KIFC3: variants seen among roughly 807,000 people sequenced by gnomAD.
The protein encoded by KIFC3 is kinesin-like protein KIFC3.
A neutral mutation model predicts 101.8 loss-of-function variants in KIFC3; 60 were observed. The observed-to-expected ratio is 0.59, with a 90% CI of 0.48 to 0.73. The LOEUF is 0.73. Among genes scored for constraint, KIFC3 ranks in the 30% least tolerant of loss-of-function variants. The pLI is 0.00. For synonymous variants in KIFC3, 476 were observed against 482.7 expected, an observed-to-expected ratio of 0.99 and a Z score of 0.18; for missense variants, 966 against 1,137.1, an observed-to-expected ratio of 0.85 and a Z score of 2.16.
chr16:57,784,417 G>A (rs2053103186), intron 3 of KIFC3, among the ~76,000 whole-genome samples: 1 of 152,242 alleles, frequency 6.6e-6, no homozygotes, highest in Non-Finnish European at 1.5e-5. Flanking sequence ...CCATTCTTGA[G>A]AAGAGGACAC....
At chr16:57,852,343 C>T (rs2056075906) in intron 1 of KIFC3, among the ~76,000 whole-genome samples, 2 of 151,982 alleles carry the variant, frequency 1.3e-5, no homozygotes, top group Admixed American at 1.3e-4. Context: ...TGATTTGTTT[C>T]CCCAGAAGTG....
intron 3 of KIFC3, among the ~76,000 whole-genome samples, chr16:57,792,571 C>T (rs1379789342): frequency 6.6e-6 from 1 of 152,084 alleles, no homozygotes; most frequent in African/African-American, 2.4e-5. Flanking sequence ...ATGGTAAGCC[C>T]TGAAGTAGAC....
At position 57,769,450 on chromosome 16, in the gene KIFC3, CA is replaced by C; in HGVS notation, c.1218+144del. ...TAGTTTCAAACAGGGCCTATAAGGGCAGCAGTAAGTGTCATGGGGGGTGGGG... is the reference window on the plus strand; with the variant it reads ...TAGTTTCAAACAGGGCCTATAAGGGCGCAGTAAGTGTCATGGGGGGTGGGG... On this transcript the variant is annotated intron_variant, in intron 9 of 19. Coordinates refer to ENST00000445690, the MANE Select transcript of KIFC3 (RefSeq NM_001130100.2). This position sits in a 1 kb window ranked among gnomAD's most constrained non-coding sequence, Gnocchi z 4.3. 1 of 975,638 alleles carries C rather than the reference CA, an allele frequency of 1.0e-6. No individual in the cohort carries two copies. Among genetic ancestry groups the C allele is most frequent in the Non-Finnish European group, 1.5e-6 (1 of 673,760 alleles). The allele number at this position is 975,638 out of a possible 1,614,324, so 60.4% of individuals were successfully genotyped here.
chr16:57,768,507 T>TCACACACACA lies in KIFC3; in HGVS notation c.1218+1087_1218+1088insTGTGTGTGTG, dbSNP rs1384372811. Among the ~76,000 whole-genome samples the TCACACACACA allele has an allele frequency of 2.4e-4, 3 of 12,598 alleles. No individual in the cohort carries two copies. In the South Asian group the frequency reaches 6.7e-3, roughly 28 times the overall value. 8.3% of individuals were successfully genotyped at this position (12,598 alleles called of 152,430 possible). ...GATGGGGGAAGGGCCTACCATATAT[T>TCACACACACA]CTCACACACACACACACACACACAC... is the stretch of plus-strand genomic sequence containing the variant. On this transcript the variant is annotated intron_variant, in intron 9 of 19. Coordinates refer to ENST00000445690, the MANE Select transcript of KIFC3 (RefSeq NM_001130100.2).
At chr16:57,795,635 C>T (rs1000083313) in intron 2 of KIFC3, among the ~76,000 whole-genome samples, 2 of 152,232 alleles carry the variant, frequency 1.3e-5, no homozygotes, top group African/African-American at 4.8e-5. Context: ...AACCAGCTAA[C>T]GTGCATCCCC....
intron 1 of KIFC3, chr16:57,830,783 GTTTGAGAAACAAAATC>G (rs1266121002): frequency 6.6e-6 from 1 of 152,178 alleles, no homozygotes; most frequent in African/African-American, 2.4e-5. Context: ...TTATTCATTG[GTTTGAGAAACAAAATC>G]ATTGATGCCA....
chr16:57,762,383 A>G, intron 12 of KIFC3, 113 bp from the exon 13 acceptor site: 1 of 1,159,942 alleles, frequency 8.6e-7, no homozygotes. Flanking sequence ...TCCTTGCCCA[A>G]AGCTCTTACC....
At chr16:57,764,276 G>GT (rs2050200603) in intron 11 of KIFC3, 29 bp from the exon 12 acceptor site, 4 of 1,286,492 alleles carry the variant, frequency 3.1e-6, no homozygotes, top group African/African-American at 2.9e-5. Flanking sequence ...GGAGGCTGGT[G>GT]GGGGGGCTTC....
intron 1 of KIFC3, among the ~76,000 whole-genome samples, chr16:57,812,693 G>A (rs1418302609): frequency 1.3e-5 from 2 of 152,212 alleles, no homozygotes; most frequent in Non-Finnish European, 2.9e-5. Flanking sequence ...GAGATGAGGT[G>A]TTGCTCAGAC....
chr16:57,761,160 A>G lies in KIFC3; in HGVS notation c.1884T>C (p.Phe628=). The part of the protein sequence containing the change: ...SVDDINKVFE[F]GHTNRTTEFT... ...ACTCGGTCGTGCGATTAGTGTGGCC[A>G]AACTCAAACACCTGGGGGATTGGGA... Residue 628 remains phenylalanine, a synonymous_variant, in exon 15 of 20, where the codon TTT becomes TTC. Coordinates refer to ENST00000445690, the MANE Select transcript of KIFC3 (RefSeq NM_001130100.2). 6.2e-7 allele frequency: 1 copy of G among 1,613,918 alleles called. No individual in the cohort carries two copies. Among genetic ancestry groups the G allele is most frequent in the Non-Finnish European group, 8.5e-7 (1 of 1,179,932 alleles).
intron 9 of KIFC3, 28 bp from the exon 10 acceptor site, chr16:57,767,013 G>T: frequency 6.3e-7 from 1 of 1,582,746 alleles, no homozygotes; most frequent in Non-Finnish European, 8.7e-7. Context: ...CCACTGTCAG[G>T]GGGACGGCTC....
At chr16:57,821,428 C>T (rs952150880) in intron 1 of KIFC3, among the ~76,000 whole-genome samples, 10 of 152,194 alleles carry the variant, frequency 6.6e-5, no homozygotes, top group Admixed American at 2.6e-4. Flanking sequence ...GCTACAGCTA[C>T]CACCACAGAG....
At chr16:57,814,947 A>G (rs1798312346) in intron 1 of KIFC3, among the ~76,000 whole-genome samples, 1 of 152,148 alleles carries the variant, frequency 6.6e-6, no homozygotes, top group Non-Finnish European at 1.5e-5. Context: ...TTTGTCCGCT[A>G]TAAAACCTAG....
intron 3 of KIFC3, among the ~76,000 whole-genome samples, chr16:57,783,176 C>A (rs569874652): frequency 1.3e-5 from 2 of 152,288 alleles, no homozygotes; most frequent in African/African-American, 4.8e-5. Flanking sequence ...TTTTCAAAAA[C>A]CTCTTTAAAG....
At chr16:57,804,997 T>C (rs111678646), upstream of KIFC3, among the ~76,000 whole-genome samples, 1,093 of 151,864 alleles carry the variant, frequency 7.2e-3, 8 homozygotes, top group African/African-American at 0.024. Context: ...ACCCAGCTAA[T>C]TTTTTATATT....
At chr16:57,849,028 T>C (rs1463683324) in intron 1 of KIFC3, among the ~76,000 whole-genome samples, 1 of 152,218 alleles carries the variant, frequency 6.6e-6, no homozygotes, top group African/African-American at 2.4e-5. Flanking sequence ...TCATGGTAAG[T>C]ACCACACTTT....
chr16:57,831,357 C>T (rs556944506), intron 1 of KIFC3, among the ~76,000 whole-genome samples: 10 of 152,304 alleles, frequency 6.6e-5, no homozygotes, highest in Middle Eastern at 3.4e-3. Flanking sequence ...CTTCTCAAAC[C>T]GCACTGTGCA....
At position 57,758,753 on chromosome 16, in the gene KIFC3, G is replaced by T; in HGVS notation, c.*181C>A. On this transcript the variant is annotated 3_prime_UTR_variant, in exon 20 of 20. Coordinates refer to ENST00000445690, the MANE Select transcript of KIFC3 (RefSeq NM_001130100.2). Reference sequence around the variant, plus strand: ...AGAGACACCGTTTCCTTCTGAACATGTTTCTCATCTTTGAGGGGAGACGGG... The same window carrying T: ...AGAGACACCGTTTCCTTCTGAACATTTTTCTCATCTTTGAGGGGAGACGGG... 1.0e-6 allele frequency: 1 copy of T among 992,076 alleles called. No homozygotes were observed. Among genetic ancestry groups the T allele is most frequent in the Non-Finnish European group, 1.6e-6 (1 of 628,018 alleles). 61.5% of individuals were successfully genotyped at this position (992,076 alleles called of 1,614,324 possible). A position where few individuals can be genotyped will look rare whatever the true frequency, so the allele number is the denominator to read the frequency against.
chr16:57,776,015 G>A (rs1018903929), intron 3 of KIFC3: 5 of 985,462 alleles, frequency 5.1e-6, no homozygotes, highest in Non-Finnish European at 6.0e-6. Context: ...ACAGGCAGAA[G>A]CGGCTCGACC....
Sources: allele counts gnomAD v4.1 joint callset (sites outside exome capture counted in the v4.1 genomes callset), GRCh38; gene constraint gnomAD v4.1.1; non-coding constraint Gnocchi (gnomAD v3.1); transcripts MANE v1.5; gene names NCBI Gene and HGNC (gene_info 2026-07-23, HGNC 2026-07-21).